GPHN: variants seen among roughly 807,000 people sequenced by gnomAD.
The protein encoded by GPHN is gephyrin.
A neutral mutation model predicts 95.5 loss-of-function variants in GPHN; 17 were observed. The ratio of observed to expected loss-of-function variants is 0.18; its 90% CI spans 0.12 to 0.27. The LOEUF is 0.27. Among genes scored for constraint, GPHN ranks in the 10% least tolerant of loss-of-function variants. GPHN has a pLI of 1.00. For synonymous variants in GPHN, 320 were observed against 322.5 expected, an observed-to-expected ratio of 0.99 and a Z score of 0.08; for missense variants, 660 against 978.1, an observed-to-expected ratio of 0.67 and a Z score of 4.34.
chr14:67,509,834 TAAAG>T, the GPHN span, among the ~76,000 whole-genome samples: 2 of 152,086 alleles, frequency 1.3e-5, no homozygotes, highest in East Asian at 3.9e-4. Context: ...TAGCGAGTTA[TAAAG>T]ACTCTGTCTC....
At chr14:66,833,711 T>C (rs1238682909) in intron 4 of GPHN, among the ~76,000 whole-genome samples, 1 of 151,760 alleles carries the variant, frequency 6.6e-6, no homozygotes, top group Non-Finnish European at 1.5e-5. Context: ...CTAGTAACTA[T>C]CCATTTATTT....
the GPHN span, among the ~76,000 whole-genome samples, chr14:67,247,597 T>A: frequency 1.3e-5 from 2 of 152,208 alleles, no homozygotes; most frequent in South Asian, 2.1e-4. Flanking sequence ...TTTTTTTTTT[T>A]AAGATAGGGT....
chr14:67,057,409 G>GT (rs1004135175), intron 10 of GPHN, among the ~76,000 whole-genome samples: 3 of 147,336 alleles, frequency 2.0e-5, no homozygotes, highest in Admixed American at 6.7e-5. Flanking sequence ...TGGGCACATG[G>GT]GTGGGGGGGG....
chr14:67,546,854 T>C, the GPHN span, among the ~76,000 whole-genome samples: 1 of 152,084 alleles, frequency 6.6e-6, no homozygotes, highest in African/African-American at 2.4e-5. Flanking sequence ...CACAGCAAAA[T>C]CCTGTCTCAA....
chr14:66,783,557 C>T (rs111290676), intron 3 of GPHN, among the ~76,000 whole-genome samples: 1,886 of 152,240 alleles, frequency 0.012, 18 homozygotes, highest in Non-Finnish European at 0.018. Context: ...TCCTTTCCCA[C>T]GTAAGTGAGG....
chr14:67,692,816 T>C, the GPHN span: 2 of 900,074 alleles, frequency 2.2e-6, no homozygotes, highest in Admixed American at 4.4e-5. Context: ...AGCAAATCAG[T>C]GGAATCCTTA....
intron 10 of GPHN, among the ~76,000 whole-genome samples, chr14:67,052,642 A>G (rs189776324): frequency 3.9e-5 from 6 of 152,338 alleles, no homozygotes; most frequent in Non-Finnish European, 8.8e-5. Flanking sequence ...AACAGAATAT[A>G]TATTCTTCTT....
chr14:67,101,011 G>A (rs2153678808), intron 13 of GPHN, 100 bp downstream of exon 13: 1 of 755,782 alleles, frequency 1.3e-6, no homozygotes, highest in East Asian at 2.6e-5. Context: ...AAATTAGAGA[G>A]AGATTAGTCA....
the GPHN span, chr14:67,642,172 T>C: frequency 1.2e-6 from 2 of 1,612,218 alleles, no homozygotes; most frequent in Non-Finnish European, 1.7e-6. Context: ...TTGTCATCCC[T>C]CATTTGCTTC....
chr14:67,314,005 T>G, the GPHN span, among the ~76,000 whole-genome samples: 2 of 152,078 alleles, frequency 1.3e-5, no homozygotes, highest in Non-Finnish European at 2.9e-5. Flanking sequence ...CTGCCAGAAC[T>G]GCTGTTTCTG....
chr14:67,214,841 T>G, the GPHN span, among the ~76,000 whole-genome samples: 3 of 152,146 alleles, frequency 2.0e-5, no homozygotes, highest in African/African-American at 7.2e-5. Flanking sequence ...TTTGATTTCA[T>G]TGAGCAGTGG....
intron 14 of GPHN, 142 bp downstream of exon 14, chr14:67,110,401 A>G (rs1417497802): frequency 5.2e-6 from 4 of 776,696 alleles, no homozygotes; most frequent in Non-Finnish European, 9.0e-6. Flanking sequence ...GGGATCTTAT[A>G]TTGTAGTATA....
chr14:66,976,990 A>G (rs1034008661), intron 9 of GPHN, among the ~76,000 whole-genome samples: 14 of 151,428 alleles, frequency 9.2e-5, no homozygotes, highest in Admixed American at 2.6e-4. Context: ...AATCAAATTG[A>G]TGACTATTTA....
intron 1 of GPHN, among the ~76,000 whole-genome samples, chr14:66,670,743 G>A (rs947400484): frequency 2.0e-5 from 3 of 152,164 alleles, no homozygotes; most frequent in African/African-American, 7.2e-5. Flanking sequence ...AGTGAGCCGA[G>A]ATCGCACCAC....
intron 9 of GPHN, among the ~76,000 whole-genome samples, chr14:67,014,375 A>G (rs926971069): frequency 1.3e-5 from 2 of 152,172 alleles, no homozygotes. Flanking sequence ...TGGTAGAGCC[A>G]AAATTCAAAT....
At chr14:67,260,835 G>A in the GPHN span, among the ~76,000 whole-genome samples, 5 of 152,218 alleles carry the variant, frequency 3.3e-5, no homozygotes, top group African/African-American at 1.2e-4. Flanking sequence ...GAAATTGCAG[G>A]GCTCATATGG....
chr14:67,302,676 T>A, the GPHN span: 18 of 897,122 alleles, frequency 2.0e-5, no homozygotes, highest in Non-Finnish European at 2.6e-5. Context: ...CTAGATGATT[T>A]CTAGCCTGAT....
chr14:66,720,076 A>T (rs2070585021), intron 2 of GPHN, among the ~76,000 whole-genome samples: 1 of 152,194 alleles, frequency 6.6e-6, no homozygotes, highest in African/African-American at 2.4e-5. Flanking sequence ...ATAGAATCTA[A>T]ATTATTGTTT....
chr14:67,199,019 A>C, the GPHN span: 1 of 712,854 alleles, frequency 1.4e-6, no homozygotes, highest in Non-Finnish European at 2.6e-6. Flanking sequence ...AGGACAACAG[A>C]CACTTCAAAA....
Sources: allele counts gnomAD v4.1 joint callset (sites outside exome capture counted in the v4.1 genomes callset), GRCh38; gene constraint gnomAD v4.1.1; transcripts MANE v1.5; gene names NCBI Gene and HGNC (gene_info 2026-07-23, HGNC 2026-07-21).